Variants in PTPRD observed in about 807,000 individuals in gnomAD.
PTPRD encodes the protein protein tyrosine phosphatase receptor type D.
A neutral mutation model predicts 214.5 loss-of-function variants in PTPRD; 34 were observed. The ratio of observed to expected loss-of-function variants is 0.16; its 90% CI spans 0.12 to 0.21. PTPRD has a LOEUF of 0.21. PTPRD is among the 10% of genes least tolerant of loss of function. The probability of loss-of-function intolerance (pLI) is 1.00; values close to 1 mark genes in which losing one functional copy is unlikely to be tolerated. For synonymous variants in PTPRD, 1,128 were observed against 845.7 expected, an observed-to-expected ratio of 1.33 and a Z score of -5.79; for missense variants, 2,545 against 2,398.7, an observed-to-expected ratio of 1.06 and a Z score of -1.27.
chr9:10,384,866 C>T (rs1325076526), intron 2 of PTPRD, among the ~76,000 whole-genome samples: 3 of 151,384 alleles, frequency 2.0e-5, no homozygotes, highest in Non-Finnish European at 4.4e-5. Context: ...TAAAATTGTT[C>T]TTGTTGTTTC....
intron 11 of PTPRD, among the ~76,000 whole-genome samples, chr9:8,747,574 C>G (rs10125895): frequency 1.3e-5 from 2 of 152,038 alleles, no homozygotes; most frequent in Non-Finnish European, 2.9e-5. Flanking sequence ...GAAATGCTTA[C>G]AGAAGGACAC....
chr9:10,518,816 G>A (rs1589939111), intron 2 of PTPRD, among the ~76,000 whole-genome samples: 1 of 151,572 alleles, frequency 6.6e-6, no homozygotes, highest in East Asian at 1.9e-4. Context: ...ACAGGCGTGA[G>A]CCACCGCGCT....
intron 9 of PTPRD, among the ~76,000 whole-genome samples, chr9:9,338,763 T>G (rs1358535015): frequency 6.6e-6 from 1 of 152,174 alleles, no homozygotes; most frequent in Non-Finnish European, 1.5e-5. Context: ...TACATAGGTA[T>G]ACACATGCCA....
intron 5 of PTPRD, among the ~76,000 whole-genome samples, chr9:9,860,708 T>C (rs2062547512): frequency 6.6e-6 from 1 of 152,196 alleles, no homozygotes; most frequent in Non-Finnish European, 1.5e-5. Context: ...ATTTTATAAA[T>C]ATATACATGA....
intron 9 of PTPRD, among the ~76,000 whole-genome samples, chr9:9,351,432 A>G (rs751954341): frequency 6.6e-6 from 1 of 152,010 alleles, no homozygotes; most frequent in Non-Finnish European, 1.5e-5. Context: ...TGGGAATGAG[A>G]ACAAATAATT....
At chr9:9,236,341 A>T (rs2099966709) in intron 9 of PTPRD, among the ~76,000 whole-genome samples, 1 of 152,172 alleles carries the variant, frequency 6.6e-6, no homozygotes, top group African/African-American at 2.4e-5. Context: ...TACCTATGGG[A>T]AAATCAAATT....
At chr9:8,709,384 A>G (rs975449885) in intron 12 of PTPRD, among the ~76,000 whole-genome samples, 2 of 151,736 alleles carry the variant, frequency 1.3e-5, no homozygotes, top group Non-Finnish European at 2.9e-5. Context: ...GCCTGGTGGC[A>G]GGCACCTGTA....
intron 11 of PTPRD, among the ~76,000 whole-genome samples, chr9:8,794,409 C>A (rs754288412): frequency 6.6e-6 from 1 of 151,948 alleles, no homozygotes; most frequent in Non-Finnish European, 1.5e-5. Context: ...CATCTTTTAT[C>A]TATATCACAC....
At chr9:8,497,191 A>G in intron 26 of PTPRD, 51 bp downstream of exon 26, 1 of 1,479,686 alleles carries the variant, frequency 6.8e-7, no homozygotes, top group Non-Finnish European at 9.2e-7. Context: ...GATGTCAGAG[A>G]AAACAAGCAT....
chr9:8,490,035 T>C (rs1230908996), intron 27 of PTPRD, among the ~76,000 whole-genome samples: 2 of 152,196 alleles, frequency 1.3e-5, no homozygotes, highest in Non-Finnish European at 2.9e-5. Flanking sequence ...CTTAGGGTTA[T>C]TCTGTAGACT....
chr9:9,378,302 T>G (rs1454695472), intron 9 of PTPRD, among the ~76,000 whole-genome samples: 1 of 152,122 alleles, frequency 6.6e-6, no homozygotes, highest in East Asian at 1.9e-4. Flanking sequence ...CAGATGGCCT[T>G]TTTTTCACTT....
chr9:10,107,088 T>C (rs894305603), intron 3 of PTPRD, among the ~76,000 whole-genome samples: 3 of 151,780 alleles, frequency 2.0e-5, no homozygotes, highest in African/African-American at 7.3e-5. Flanking sequence ...AAAATACAAA[T>C]GAGGGGAATA....
Position 9,573,416 on chromosome 9 carries a change from T to A in PTPRD, c.-237+1316A>T, listed in dbSNP as rs550011683. Among the ~76,000 whole-genome samples, 1,049 of 145,920 alleles carry A rather than the reference T, an allele frequency of 7.2e-3. 7 individuals carry two copies. The highest frequency in any genetic ancestry group is 0.018 in the African/African-American group (738 of 40,090). On this transcript the variant is annotated intron_variant, in intron 8 of 45. Transcript: ENST00000381196. ...TCAAAGTACTCTAATGTTCTTTTTT[T>A]AAAAAAAAAAAACTTATGTCAGTAT... is the stretch of plus-strand genomic sequence containing the variant.
intron 2 of PTPRD, among the ~76,000 whole-genome samples, chr9:10,494,556 A>G (rs544466763): frequency 1.3e-5 from 2 of 151,292 alleles, no homozygotes; most frequent in East Asian, 3.9e-4. Flanking sequence ...TTCCAGCATT[A>G]TAATTTTTTT....
intron 2 of PTPRD, among the ~76,000 whole-genome samples, chr9:10,465,408 C>T (rs546669451): frequency 2.0e-5 from 3 of 152,166 alleles, no homozygotes; most frequent in South Asian, 4.1e-4. Context: ...GAACTGGGGT[C>T]GCTCTATTAA....
intron 3 of PTPRD, among the ~76,000 whole-genome samples, chr9:10,241,651 G>A (rs1417610829): frequency 6.6e-6 from 1 of 151,968 alleles, no homozygotes; most frequent in Non-Finnish European, 1.5e-5. Flanking sequence ...ACTTTACAGT[G>A]AGAAAAAGTA....
chr9:10,016,393 A>ATAGATAAATAGATAGG (rs56040812), intron 4 of PTPRD, among the ~76,000 whole-genome samples: 1 of 149,902 alleles, frequency 6.7e-6, no homozygotes, highest in African/African-American at 2.5e-5. Context: ...AGATAGATAG[A>ATAGATAAATAGATAGG]TAGACAGATA....
intron 4 of PTPRD, among the ~76,000 whole-genome samples, chr9:9,975,648 T>A (rs2154055794): frequency 6.6e-6 from 1 of 152,266 alleles, no homozygotes; most frequent in African/African-American, 2.4e-5. Context: ...CTACATTATA[T>A]CAACCTACTA....
chr9:8,924,834 C>T (rs1732205768), intron 11 of PTPRD, among the ~76,000 whole-genome samples: 1 of 152,232 alleles, frequency 6.6e-6, no homozygotes, highest in East Asian at 1.9e-4. Context: ...CTCTGATTTG[C>T]TTTTCTTGAA....
Sources: allele counts gnomAD v4.1 joint callset (sites outside exome capture counted in the v4.1 genomes callset), GRCh38; gene constraint gnomAD v4.1.1; transcripts MANE v1.5; gene names NCBI Gene and HGNC (gene_info 2026-07-23, HGNC 2026-07-21).